UNC5C: variants seen among roughly 807,000 people sequenced by gnomAD.
UNC5C encodes unc-5 netrin receptor C.
In UNC5C, 47 loss-of-function variants were observed where a neutral mutation model predicts 99.8. The observed-to-expected ratio is 0.47, with a 90% confidence interval of 0.37 to 0.60. The LOEUF is 0.60. Ranked by LOEUF, UNC5C falls within the 20% of genes least tolerant of loss-of-function variation. UNC5C has a pLI of 0.00. For synonymous variants in UNC5C, 487 were observed against 452.2 expected, an observed-to-expected ratio of 1.08 and a Z score of -0.98; for missense variants, 1,062 against 1,165.9, an observed-to-expected ratio of 0.91 and a Z score of 1.30.
intron 2 of UNC5C, among the ~76,000 whole-genome samples, chr4:95,331,133 T>C (rs1466210280): frequency 2.0e-5 from 3 of 152,160 alleles, no homozygotes; most frequent in Non-Finnish European, 4.4e-5. Flanking sequence ...TCCATGTTGC[T>C]GCAAAAGACA....
intron 12 of UNC5C, among the ~76,000 whole-genome samples, chr4:95,193,383 A>C (rs1168670927): frequency 6.6e-6 from 1 of 152,120 alleles, no homozygotes; most frequent in Non-Finnish European, 1.5e-5. Context: ...TCCGTGCTGG[A>C]GCCGGCACAG....
chr4:95,447,149 TA>T (rs1747129889), intron 1 of UNC5C, among the ~76,000 whole-genome samples: 1 of 152,184 alleles, frequency 6.6e-6, no homozygotes, highest in African/African-American at 2.4e-5. Context: ...TTTTGTCTAG[TA>T]AAAAATTGAA....
At chr4:95,438,580 T>C (rs1258189647) in intron 1 of UNC5C, among the ~76,000 whole-genome samples, 2 of 152,074 alleles carry the variant, frequency 1.3e-5, no homozygotes, top group African/African-American at 4.8e-5. Context: ...ATAGCAATAA[T>C]ATAGTTATCA....
At chr4:95,213,938 T>G (rs536387960) in intron 10 of UNC5C, among the ~76,000 whole-genome samples, 1 of 152,306 alleles carries the variant, frequency 6.6e-6, no homozygotes, top group African/African-American at 2.4e-5. Context: ...CAGAAAGTGC[T>G]TTGTGATCAG....
At chr4:95,349,322 G>GGTGTGTGTGTGTGT (rs151051852) in intron 1 of UNC5C, among the ~76,000 whole-genome samples, 1 of 120,604 alleles carries the variant, frequency 8.3e-6, no homozygotes, top group African/African-American at 3.0e-5. Flanking sequence ...AGAGAGAAAG[G>GGTGTGTGTGTGTGT]GTGTGTGTGT....
At chr4:95,311,746 A>G (rs1437460420) in intron 2 of UNC5C, among the ~76,000 whole-genome samples, 2 of 152,170 alleles carry the variant, frequency 1.3e-5, no homozygotes, top group Admixed American at 1.3e-4. Context: ...ATACAGTGCT[A>G]AAGAAAGAAG....
chr4:95,525,340 CTT>C (rs1210642907), intron 1 of UNC5C, among the ~76,000 whole-genome samples: 2 of 152,108 alleles, frequency 1.3e-5, no homozygotes, highest in African/African-American at 2.4e-5. Flanking sequence ...GCCATATACT[CTT>C]ATAACTTTGC....
At chr4:95,451,369 A>G (rs1747275262) in intron 1 of UNC5C, among the ~76,000 whole-genome samples, 2 of 152,184 alleles carry the variant, frequency 1.3e-5, no homozygotes, top group African/African-American at 4.8e-5. Flanking sequence ...ATATAAGAAA[A>G]AGTAGTCTGT....
intron 1 of UNC5C, among the ~76,000 whole-genome samples, chr4:95,482,214 T>G (rs1253326523): frequency 6.6e-6 from 1 of 151,340 alleles, no homozygotes; most frequent in Admixed American, 6.6e-5. Context: ...GAACAGACAC[T>G]TCTCAAAAGA....
In UNC5C at chr4:95,335,604, T is replaced by G. The variant is rs1743305432; in HGVS notation, c.152A>C (p.Glu51Ala). The G allele has an allele frequency of 1.9e-6, 3 of 1,608,712 alleles. No homozygotes were observed. Among genetic ancestry groups the G allele is most frequent in the Admixed American group, 3.4e-5 (2 of 58,782 alleles). The change falls in exon 2 of 16, where the codon GAA (glutamate) becomes GCA (alanine). Residue 51 changes from glutamate to alanine, a missense_variant. Glu to Ala is a moderately radical substitution (Grantham distance 107). This residue lies in a region of UNC5C where 249 missense variants were observed against 295.1 expected (regional missense o/e 0.84). Transcript: ENST00000453304. Reference sequence around the variant, plus strand: ...CTCAGGTGGATCAGAAGGAAAAGTTTCTGGGAGTTCATGAAAAAAGTCATC... The same window carrying G: ...CTCAGGTGGATCAGAAGGAAAAGTTGCTGGGAGTTCATGAAAAAAGTCATC... ...QDDDFFHELPETFPSDPPEPL... is the reference protein window; with the variant it reads ...QDDDFFHELPATFPSDPPEPL...
At chr4:95,405,122 T>C (rs777863827) in intron 1 of UNC5C, among the ~76,000 whole-genome samples, 36 of 152,194 alleles carry the variant, frequency 2.4e-4, no homozygotes, top group Admixed American at 9.8e-4. Context: ...AAGCATCATA[T>C]TGGCCCTCTG....
intron 1 of UNC5C, among the ~76,000 whole-genome samples, chr4:95,466,466 G>C (rs1279908192): frequency 6.6e-6 from 1 of 152,064 alleles, no homozygotes; most frequent in African/African-American, 2.4e-5. Flanking sequence ...TTTAATTAAA[G>C]GAATAAATAC....
intron 1 of UNC5C, among the ~76,000 whole-genome samples, chr4:95,436,688 A>G (rs1746802756): frequency 6.6e-6 from 1 of 152,004 alleles, no homozygotes; most frequent in Admixed American, 6.6e-5. Context: ...GCTAATATAT[A>G]TAAGAATAAT....
At chr4:95,490,995 G>T (rs1721469907) in intron 1 of UNC5C, among the ~76,000 whole-genome samples, 1 of 151,650 alleles carries the variant, frequency 6.6e-6, no homozygotes, top group East Asian at 2.0e-4. Flanking sequence ...GTAATGCCTT[G>T]CACATGGAAC....
At chr4:95,413,013 A>G (rs1045465832) in intron 1 of UNC5C, among the ~76,000 whole-genome samples, 1 of 152,166 alleles carries the variant, frequency 6.6e-6, no homozygotes, top group African/African-American at 2.4e-5. Context: ...AAAAGTCAAG[A>G]GGGAAATTTT....
At position 95,335,614 on chromosome 4, in the gene UNC5C, C is replaced by A. The variant is rs1167891231; in HGVS notation, c.142G>T (p.Glu48Ter). ...TCAGAAGGAAAAGTTTCTGGGAGTT[C>A]ATGAAAAAAGTCATCATCTGAGAAA... ...SAAQDDDFFH[E>*]LPETFPSDPP... Residue 48 changes from glutamate (E) to a stop codon, truncating the protein, a stop_gained, in exon 2 of 16, where the codon GAA becomes TAA. Transcript: ENST00000453304. LOFTEE classifies it high-confidence loss of function. The A allele has an allele frequency of 6.2e-7, 1 of 1,603,206 alleles. No homozygotes were observed. Among genetic ancestry groups the A allele is most frequent in the African/African-American group, 1.3e-5 (1 of 74,134 alleles).
In UNC5C at chr4:95,548,939, A is replaced by G. The variant is rs1723156080; in HGVS notation, c.-82T>C. 6.4e-7 allele frequency: 1 copy of G among 1,550,974 alleles called. No individual in the cohort carries two copies. The highest frequency in any genetic ancestry group is 8.8e-7 in the Non-Finnish European group (1 of 1,136,820). On this transcript the variant is annotated 5_prime_UTR_variant, in exon 1 of 16. Coordinates refer to ENST00000453304, the MANE Select transcript of UNC5C (RefSeq NM_003728.4). ...TGAAAGCCCCACTGGGCAGAAGCTG[A>G]ATCCGTGCACCGCGAAGCAGTCCGA...
chr4:95,514,499 C>T (rs1722161351), intron 1 of UNC5C, among the ~76,000 whole-genome samples: 1 of 151,796 alleles, frequency 6.6e-6, no homozygotes, highest in Non-Finnish European at 1.5e-5. Flanking sequence ...TTATTATATA[C>T]TTCTATAATT....
chr4:95,480,863 A>C (rs1342943638), intron 1 of UNC5C, among the ~76,000 whole-genome samples: 1 of 151,934 alleles, frequency 6.6e-6, no homozygotes, highest in Non-Finnish European at 1.5e-5. Flanking sequence ...GTATCTCAAA[A>C]TAATAAGAGC....
Sources: gnomAD v4.1 joint callset for allele counts (sites outside exome capture counted in the v4.1 genomes callset) on GRCh38, gnomAD v4.1.1 for gene constraint, gnomAD v4.1.1 regional missense constraint, MANE v1.5 for transcripts, NCBI Gene and HGNC (gene_info 2026-07-23, HGNC 2026-07-21) for gene names.